The following LUZP2 variants were observed in gnomAD, a reference collection of about 807,000 sequenced individuals.
The protein encoded by LUZP2 is leucine zipper protein 2.
LUZP2 carries 52 observed loss-of-function variants against 51.6 expected under a neutral mutation model. That is an observed-to-expected ratio of 1.01 (90% CI 0.81 to 1.27). The LOEUF (loss-of-function observed/expected upper bound fraction) is 1.27, where lower values mean the gene tolerates loss of function less well. Among genes scored for constraint, LUZP2 ranks in the 50% most tolerant of loss-of-function variants. The pLI, the probability that LUZP2 is intolerant of heterozygous loss-of-function variation, is 0.00. For synonymous variants in LUZP2, 154 were observed against 137.3 expected, an observed-to-expected ratio of 1.12 and a Z score of -0.85; for missense variants, 436 against 395.4, an observed-to-expected ratio of 1.10 and a Z score of -0.87.
intron 1 of LUZP2, among the ~76,000 whole-genome samples, chr11:24,657,745 T>A (rs975395361): frequency 3.3e-5 from 5 of 152,108 alleles, no homozygotes; most frequent in South Asian, 2.1e-4. Flanking sequence ...GGATACAAAA[T>A]CAATGTACAA....
At chr11:24,961,270 G>C in intron 7 of LUZP2, among the ~76,000 whole-genome samples, 1 of 152,108 alleles carries the variant, frequency 6.6e-6, no homozygotes, top group Non-Finnish European at 1.5e-5. Context: ...GGTCCGCTTG[G>C]TGCAGAGCTG....
At chr11:24,982,575 G>A (rs964842383) in intron 8 of LUZP2, among the ~76,000 whole-genome samples, 1 of 151,730 alleles carries the variant, frequency 6.6e-6, no homozygotes, top group Non-Finnish European at 1.5e-5. Flanking sequence ...AGACAAAGAA[G>A]GAAACAACGG....
intron 1 of LUZP2, among the ~76,000 whole-genome samples, chr11:24,603,749 C>T (rs1012355697): frequency 6.6e-6 from 1 of 150,506 alleles, no homozygotes; most frequent in African/African-American, 2.4e-5. Flanking sequence ...ATAAGTATTG[C>T]TTCAATTAAC....
At chr11:24,663,022 T>A (rs758222299) in intron 1 of LUZP2, among the ~76,000 whole-genome samples, 4 of 152,062 alleles carry the variant, frequency 2.6e-5, no homozygotes, top group Non-Finnish European at 5.9e-5. Flanking sequence ...ATAATATGAA[T>A]AATAAATTTT....
chr11:24,896,492 G>A lies in LUZP2; in HGVS notation c.397-9499G>A, dbSNP rs538548288. 4.2e-3 allele frequency among the ~76,000 whole-genome samples: 632 copies of A among 152,272 alleles called. 7 individuals carry two copies. The highest frequency in any genetic ancestry group is 0.014 in the African/African-American group (593 of 41,562). ...AGCACCACCGGCCCACCCATGCTGCGCTCAAATTCTCGCCAGGCCTCAGCC... is the reference window on the plus strand; with the variant it reads ...AGCACCACCGGCCCACCCATGCTGCACTCAAATTCTCGCCAGGCCTCAGCC... On this transcript the variant is annotated intron_variant, in intron 5 of 11. Transcript: ENST00000336930.
intron 5 of LUZP2, among the ~76,000 whole-genome samples, chr11:24,797,129 A>G (rs1375704847): frequency 6.6e-6 from 1 of 152,194 alleles, no homozygotes; most frequent in Non-Finnish European, 1.5e-5. Context: ...TGTGGCCAGA[A>G]TTAAATGAAT....
At chr11:24,636,836 T>TCTGGATAAATCAAC (rs1400151532) in intron 1 of LUZP2, among the ~76,000 whole-genome samples, 3 of 149,448 alleles carry the variant, frequency 2.0e-5, no homozygotes, top group African/African-American at 7.7e-5. Context: ...AATAAAATTT[T>TCTGGATAAATCAAC]TTACATGAGG....
intron 7 of LUZP2, among the ~76,000 whole-genome samples, chr11:24,918,580 T>G (rs1050772498): frequency 6.6e-6 from 1 of 151,630 alleles, no homozygotes; most frequent in East Asian, 1.9e-4. Context: ...TAAGAGCTAT[T>G]TATGACAAAC....
chr11:24,636,287 A>G (rs1590275269), intron 1 of LUZP2, among the ~76,000 whole-genome samples: 1 of 152,166 alleles, frequency 6.6e-6, no homozygotes, highest in Non-Finnish European at 1.5e-5. Context: ...TTCAACAAAT[A>G]CCTACACTGG....
Position 24,995,470 on chromosome 11 carries a change from C to T in LUZP2, c.765+12177C>T, listed in dbSNP as rs568603535. Reference sequence around the variant, plus strand: ...GAAAAAATGCTCTTTTAAGGGGACTCATATTTATCATTTCTGGACTCATCT... The same window carrying T: ...GAAAAAATGCTCTTTTAAGGGGACTTATATTTATCATTTCTGGACTCATCT... On this transcript the variant is annotated intron_variant, in intron 9 of 11. Coordinates refer to ENST00000336930, the MANE Select transcript of LUZP2 (RefSeq NM_001009909.4). Among the ~76,000 whole-genome samples the T allele has an allele frequency of 8.5e-5, 13 of 152,186 alleles. 1 individual carries two copies. The South Asian group carries it at 2.7e-3, about 32-fold the overall frequency.
intron 4 of LUZP2, among the ~76,000 whole-genome samples, chr11:24,749,885 T>A (rs907601256): frequency 3.3e-5 from 5 of 152,170 alleles, no homozygotes; most frequent in Admixed American, 6.5e-5. Context: ...GGATTCCGAC[T>A]GAGCCGCTAC....
intron 9 of LUZP2, among the ~76,000 whole-genome samples, chr11:24,998,211 A>C (rs545128147): frequency 5.9e-5 from 9 of 152,294 alleles, no homozygotes; most frequent in African/African-American, 2.2e-4. Context: ...TACCTTGGGC[A>C]GTATGGCCAT....
chr11:25,022,227 T>C (rs1565240476), intron 9 of LUZP2, among the ~76,000 whole-genome samples: 2 of 152,072 alleles, frequency 1.3e-5, no homozygotes, highest in Non-Finnish European at 2.9e-5. Flanking sequence ...TCTTTCATTA[T>C]AATTATTCAA....
chr11:24,841,944 T>C (rs1462943871), intron 5 of LUZP2, among the ~76,000 whole-genome samples: 2 of 152,052 alleles, frequency 1.3e-5, no homozygotes, highest in African/African-American at 4.8e-5. Flanking sequence ...AGCATATAAA[T>C]ATTAGCATAG....
intron 5 of LUZP2, among the ~76,000 whole-genome samples, chr11:24,769,773 C>A (rs1860336742): frequency 6.7e-6 from 1 of 149,520 alleles, no homozygotes; most frequent in South Asian, 2.1e-4. Flanking sequence ...AATAGGGAAT[C>A]ACACTAAATT....
intron 5 of LUZP2, among the ~76,000 whole-genome samples, chr11:24,902,757 TATAAA>T (rs1313396993): frequency 6.6e-6 from 1 of 152,140 alleles, no homozygotes; most frequent in Admixed American, 6.5e-5. Flanking sequence ...TCAGAAAAAA[TATAAA>T]ATAATATCAT....
At chr11:24,754,827 GTTC>G (rs536435771) in intron 4 of LUZP2, among the ~76,000 whole-genome samples, 2 of 152,076 alleles carry the variant, frequency 1.3e-5, no homozygotes, top group South Asian at 4.1e-4. Context: ...ATGCAAACAT[GTTC>G]TTCTACTCTG....
At chr11:24,712,614 T>A (rs570404285) in intron 1 of LUZP2, among the ~76,000 whole-genome samples, 2 of 152,196 alleles carry the variant, frequency 1.3e-5, no homozygotes, top group African/African-American at 2.4e-5. Context: ...TGGAGGGTGA[T>A]CAAATATTGA....
intron 9 of LUZP2, among the ~76,000 whole-genome samples, chr11:25,020,237 C>G (rs1402825940): frequency 2.0e-5 from 3 of 152,022 alleles, no homozygotes; most frequent in Non-Finnish European, 2.9e-5. Context: ...GGTCTAGTAC[C>G]ACATATACTA....
Sources: gnomAD v4.1 joint callset for allele counts (sites outside exome capture counted in the v4.1 genomes callset) on GRCh38, gnomAD v4.1.1 for gene constraint, MANE v1.5 for transcripts, NCBI Gene and HGNC (gene_info 2026-07-23, HGNC 2026-07-21) for gene names.